The following BTRC variants were observed in gnomAD, a reference collection of about 807,000 sequenced individuals.
BTRC encodes F-box/WD repeat-containing protein 1A.
BTRC carries 42 observed loss-of-function variants against 85.5 expected under a neutral mutation model. The ratio of observed to expected loss-of-function variants is 0.49; its 90% CI spans 0.38 to 0.64. The LOEUF (loss-of-function observed/expected upper bound fraction) is 0.64. Among genes scored for constraint, BTRC ranks in the 30% least tolerant of loss-of-function variants. The pLI is 0.00. For synonymous variants in BTRC, 255 were observed against 263.3 expected (o/e 0.97, Z 0.30); for missense variants, 594 against 743.5 (o/e 0.80, Z 2.34).
At chr10:101,392,165 C>T (rs948398426) in intron 1 of BTRC, among the ~76,000 whole-genome samples, 6 of 152,036 alleles carry the variant, frequency 3.9e-5, no homozygotes, top group African/African-American at 7.2e-5. Flanking sequence ...TTTTTGATAG[C>T]GACTGGGTTT....
chr10:101,461,906 A>G, intron 2 of BTRC, 75 bp from the exon 3 acceptor site: 1 of 1,073,350 alleles, frequency 9.3e-7, no homozygotes. Context: ...AGAATTAGAA[A>G]TGTAATTCAG....
intron 1 of BTRC, among the ~76,000 whole-genome samples, chr10:101,390,597 G>A (rs561678154): frequency 5.9e-5 from 9 of 151,958 alleles, no homozygotes; most frequent in South Asian, 4.2e-4. Flanking sequence ...CTCCCAAAGC[G>A]CTAGGATTAC....
intron 2 of BTRC, among the ~76,000 whole-genome samples, chr10:101,433,136 T>C (rs563230378): frequency 9.7e-4 from 148 of 152,344 alleles, no homozygotes; most frequent in African/African-American, 3.5e-3. Flanking sequence ...TTCCTTTCTT[T>C]GGTGAAGAGT....
intron 1 of BTRC, among the ~76,000 whole-genome samples, chr10:101,358,682 A>G (rs1339172726): frequency 6.6e-6 from 1 of 152,088 alleles, no homozygotes; most frequent in Non-Finnish European, 1.5e-5. Flanking sequence ...TCTCCTCTAT[A>G]TGGGCCTTTC....
intron 1 of BTRC, among the ~76,000 whole-genome samples, chr10:101,402,150 A>G (rs933250672): frequency 1.3e-5 from 2 of 152,206 alleles, no homozygotes; most frequent in African/African-American, 4.8e-5. Context: ...CTAGTCTCAC[A>G]GGTACACAGC....
In BTRC at chr10:101,538,431, G is replaced by T. The variant is rs2062419417; in HGVS notation, c.1656+60G>T. The T allele has an allele frequency of 3.5e-6, 5 of 1,431,012 alleles. No homozygotes were observed. In the Admixed American group the frequency reaches 8.4e-5, roughly 24 times the overall value. The allele number at this position is 1,431,012 out of a possible 1,614,324, so 88.6% of individuals were successfully genotyped here. On this transcript the variant is annotated intron_variant, in intron 13 of 14. Coordinates refer to ENST00000370187, the MANE Select transcript of BTRC (RefSeq NM_033637.4). ...CAGGTGGGGGAAGAAATTAAACGTT[G>T]ATGTGCTGTGGAATATGGATTTGAA...
At chr10:101,529,989 G>A (rs779554704) in intron 6 of BTRC, among the ~76,000 whole-genome samples, 1 of 152,188 alleles carries the variant, frequency 6.6e-6, no homozygotes. Flanking sequence ...CTTCCACACC[G>A]TGTTTGGTGG....
chr10:101,501,324 C>CA lies in BTRC; in HGVS notation c.325-20312dup, dbSNP rs1946396188. Among the ~76,000 whole-genome samples, 3 of 152,296 alleles carry CA rather than the reference C, an allele frequency of 2.0e-5. No individual in the cohort carries two copies. The South Asian group carries it at 6.2e-4, about 32-fold the overall frequency. On this transcript the variant is annotated intron_variant, in intron 4 of 14. Coordinates refer to ENST00000370187, the MANE Select transcript of BTRC (RefSeq NM_033637.4). ...TTACAGTAGAACTGGATTATAGACT[C>CA]AAAGTTTAAGAGCCAGACTGAGCTT...
At chr10:101,447,251 A>C (rs1944851330) in intron 2 of BTRC, among the ~76,000 whole-genome samples, 1 of 152,172 alleles carries the variant, frequency 6.6e-6, no homozygotes, top group Non-Finnish European at 1.5e-5. Context: ...CTCGTGGGTC[A>C]AGTGACCCAC....
chr10:101,414,159 C>G (rs561958229), intron 1 of BTRC, among the ~76,000 whole-genome samples: 3 of 152,176 alleles, frequency 2.0e-5, no homozygotes. Flanking sequence ...TGGCAACCAC[C>G]ATCCTACTTT....
intron 13 of BTRC, among the ~76,000 whole-genome samples, chr10:101,548,863 G>C (rs1485340734): frequency 6.6e-6 from 1 of 152,040 alleles, no homozygotes; most frequent in African/African-American, 2.4e-5. Flanking sequence ...GACCATCCTG[G>C]CCAACATGGT....
chr10:101,439,843 C>T (rs1944634532), intron 2 of BTRC, among the ~76,000 whole-genome samples: 2 of 152,138 alleles, frequency 1.3e-5, no homozygotes, highest in Non-Finnish European at 2.9e-5. Context: ...TTTGTGGAGG[C>T]AGGAAGTTGG....
chr10:101,355,158 A>G (rs756908949), intron 1 of BTRC, among the ~76,000 whole-genome samples: 1 of 152,192 alleles, frequency 6.6e-6, no homozygotes, highest in Non-Finnish European at 1.5e-5. Flanking sequence ...GGTGCTTTGT[A>G]TCATTTTCTG....
At chr10:101,357,356 A>G in intron 1 of BTRC, among the ~76,000 whole-genome samples, 1 of 141,494 alleles carries the variant, frequency 7.1e-6, no homozygotes, top group East Asian at 2.1e-4. Flanking sequence ...CAGTAGAATC[A>G]CTTGAACCCA....
At chr10:101,506,594 G>A (rs149941540) in intron 4 of BTRC, among the ~76,000 whole-genome samples, 1 of 152,122 alleles carries the variant, frequency 6.6e-6, no homozygotes, top group South Asian at 2.1e-4. Context: ...TAACAGTCAT[G>A]CTGTACCAAG....
chr10:101,369,751 A>G (rs985518758), intron 1 of BTRC, among the ~76,000 whole-genome samples: 1 of 152,220 alleles, frequency 6.6e-6, no homozygotes, highest in African/African-American at 2.4e-5. Flanking sequence ...CCATGAGTTC[A>G]CACTGATATC....
intron 1 of BTRC, among the ~76,000 whole-genome samples, chr10:101,376,101 G>A (rs1345563168): frequency 1.3e-5 from 2 of 152,182 alleles, no homozygotes; most frequent in African/African-American, 2.4e-5. Context: ...TGAGGCAGGC[G>A]GATCACCTGA....
At chr10:101,373,683 C>T (rs1422565539) in intron 1 of BTRC, among the ~76,000 whole-genome samples, 7 of 151,912 alleles carry the variant, frequency 4.6e-5, no homozygotes, top group Non-Finnish European at 2.9e-5. Context: ...TTTGGGAGGC[C>T]GAGGTGGGCG....
chr10:101,528,078 C>G (rs961510526), intron 6 of BTRC, among the ~76,000 whole-genome samples: 4 of 151,968 alleles, frequency 2.6e-5, no homozygotes, highest in Admixed American at 6.6e-5. Flanking sequence ...CTGTATCCCT[C>G]AGAAAAAAAG....
Sources: allele counts gnomAD v4.1 joint callset (sites outside exome capture counted in the v4.1 genomes callset), GRCh38; gene constraint gnomAD v4.1.1; transcripts MANE v1.5; gene names NCBI Gene and HGNC (gene_info 2026-07-23, HGNC 2026-07-21).